Variants in DNAAF6 observed in about 807,000 individuals in gnomAD.
DNAAF6 encodes the protein PIH1 domain containing 3.
A neutral mutation model predicts 13.7 loss-of-function variants in DNAAF6; 3 were observed. The ratio of observed to expected loss-of-function variants is 0.22; its 90% CI spans 0.10 to 0.56. The LOEUF is 0.56. Ranked by LOEUF, DNAAF6 falls within the 20% of genes least tolerant of loss-of-function variation. The pLI, the probability that DNAAF6 is intolerant of heterozygous loss-of-function variation, is 0.92. For missense variants in DNAAF6, 130 were observed against 151.0 expected (o/e 0.86, Z 0.73); for synonymous variants, 54 against 49.2 (o/e 1.10, Z -0.41).
At chrX:107,240,099 C>T (rs1484920267) in intron 6 of DNAAF6, among the ~76,000 whole-genome samples, 1 of 111,787 alleles carries the variant, frequency 8.9e-6, no homozygotes, top group African/African-American at 3.2e-5. Flanking sequence ...TCTGTAATGA[C>T]GGCACAGCCA....
rs190829213 is a variant in DNAAF6, at chrX:107,220,616, A to G, written c.332+1647A>G. Among the ~76,000 whole-genome samples the G allele has an allele frequency of 5.6e-3, 629 of 112,455 alleles. 6 individuals carry two copies. The highest frequency in any genetic ancestry group is 0.02 in the African/African-American group (611 of 30,989). ...ATGCAGAGGAAAATAGGTAAAGAACATGAACAGGCAGTTCAAAAAAGAAGA... is the reference window on the plus strand; with the variant it reads ...ATGCAGAGGAAAATAGGTAAAGAACGTGAACAGGCAGTTCAAAAAAGAAGA... On this transcript the variant is annotated intron_variant, in intron 4 of 6. Coordinates refer to ENST00000372453, the MANE Select transcript of DNAAF6 (RefSeq NM_173494.2).
intron 1 of DNAAF6, chrX:107,207,450 A>G (rs1181084017): frequency 2.7e-5 from 3 of 111,416 alleles, no homozygotes; most frequent in Non-Finnish European, 3.8e-5. Flanking sequence ...TTTGACTGTA[A>G]CTATCAAAAG....
intron 4 of DNAAF6, among the ~76,000 whole-genome samples, chrX:107,221,654 G>A (rs1364962866): frequency 9.0e-6 from 1 of 111,519 alleles, no homozygotes; most frequent in Non-Finnish European, 1.9e-5. Flanking sequence ...AATCCATTAG[G>A]AGCAATGAAC....
At chrX:107,211,114 T>C in intron 1 of DNAAF6, among the ~76,000 whole-genome samples, 1 of 112,365 alleles carries the variant, frequency 8.9e-6, no homozygotes, top group Non-Finnish European at 1.9e-5. Flanking sequence ...TTAATAAATG[T>C]TTTTTAATAA....
intron 5 of DNAAF6, among the ~76,000 whole-genome samples, chrX:107,231,961 G>A (rs765904230): frequency 2.3e-4 from 26 of 111,297 alleles, no homozygotes; most frequent in Non-Finnish European, 3.8e-4. Context: ...GGGTTCCAGC[G>A]ATTCTCCCAC....
At chrX:107,223,528 A>T (rs1351455518) in intron 5 of DNAAF6, among the ~76,000 whole-genome samples, 3 of 111,520 alleles carry the variant, frequency 2.7e-5, no homozygotes, top group East Asian at 5.6e-4. Flanking sequence ...ATCTGGGCCT[A>T]ACCCAGAGTG....
chrX:107,223,842 T>A (rs1212322152), intron 5 of DNAAF6, among the ~76,000 whole-genome samples: 1 of 111,670 alleles, frequency 9.0e-6, no homozygotes, highest in Admixed American at 9.6e-5. Flanking sequence ...TCTAATGAGT[T>A]ATGCTTTCAA....
intron 1 of DNAAF6, among the ~76,000 whole-genome samples, chrX:107,209,658 TTC>T (rs1927806965): frequency 8.9e-6 from 1 of 112,027 alleles, no homozygotes; most frequent in Non-Finnish European, 1.9e-5. Flanking sequence ...GATCTTGAAC[TTC>T]TGACCTCAGG....
intron 5 of DNAAF6, among the ~76,000 whole-genome samples, 160 bp from the exon 6 acceptor site, chrX:107,238,762 G>C (rs1327105802): frequency 9.0e-6 from 1 of 111,602 alleles, no homozygotes; most frequent in Non-Finnish European, 1.9e-5. Context: ...TGTAAAATGG[G>C]GATAATAATC....
intron 6 of DNAAF6, 67 bp from the exon 7 acceptor site, chrX:107,243,102 A>C (rs1928657589): frequency 8.9e-7 from 1 of 1,123,727 alleles, no homozygotes; most frequent in Non-Finnish European, 1.2e-6. Context: ...TGTTGTTTGC[A>C]ATTGTCTTAT....
At chrX:107,228,860 A>G (rs1425848098) in intron 5 of DNAAF6, among the ~76,000 whole-genome samples, 3 of 110,634 alleles carry the variant, frequency 2.7e-5, no homozygotes, top group Non-Finnish European at 5.7e-5. Flanking sequence ...GGATCAAGCA[A>G]TTCTGTCACC....
intron 5 of DNAAF6, among the ~76,000 whole-genome samples, chrX:107,236,825 G>A (rs1164247495): frequency 8.9e-6 from 1 of 111,806 alleles, no homozygotes; most frequent in Non-Finnish European, 1.9e-5. Context: ...TCTTTGAGGT[G>A]ACATGAGTTA....
chrX:107,221,113 A>C (rs896129467), intron 4 of DNAAF6, among the ~76,000 whole-genome samples: 5 of 109,271 alleles, frequency 4.6e-5, no homozygotes, highest in African/African-American at 1.7e-4. Context: ...CTGAGACTAC[A>C]GGTGCATGCC....
chrX:107,215,231 CAT>C (rs1430284800), intron 2 of DNAAF6, among the ~76,000 whole-genome samples: 1 of 110,920 alleles, frequency 9.0e-6, no homozygotes, highest in Non-Finnish European at 1.9e-5. Context: ...TTGAAACTCC[CAT>C]GTGTTCTGAG....
intron 4 of DNAAF6, 132 bp downstream of exon 4, chrX:107,219,101 G>C (rs1928063673): frequency 8.6e-6 from 7 of 818,429 alleles, no homozygotes; most frequent in Non-Finnish European, 1.1e-5. Flanking sequence ...CACACGGAAG[G>C]CATGTGTAAT....
At chrX:107,240,853 G>T (rs1250133891) in intron 6 of DNAAF6, among the ~76,000 whole-genome samples, 1 of 111,490 alleles carries the variant, frequency 9.0e-6, no homozygotes, top group African/African-American at 3.2e-5. Flanking sequence ...CCTTGAATGT[G>T]ATAATAATAA....
chrX:107,224,874 A>T (rs1186697099), intron 5 of DNAAF6, among the ~76,000 whole-genome samples: 2 of 109,436 alleles, frequency 1.8e-5, no homozygotes, highest in African/African-American at 6.6e-5. Context: ...CTGTATCAAA[A>T]TATCTCATGC....
chrX:107,215,782 G>A (rs780606664), intron 2 of DNAAF6, among the ~76,000 whole-genome samples: 2 of 111,791 alleles, frequency 1.8e-5, no homozygotes, highest in South Asian at 3.8e-4. Flanking sequence ...GTGCTAGTTG[G>A]CCAGTAGGCA....
chrX:107,240,031 G>A (rs907907121), intron 6 of DNAAF6, among the ~76,000 whole-genome samples: 5 of 111,903 alleles, frequency 4.5e-5, no homozygotes, highest in Admixed American at 2.8e-4. Flanking sequence ...GTTAATTTCC[G>A]TTTCCCTAGC....
Sources: gnomAD v4.1 joint callset for allele counts (sites outside exome capture counted in the v4.1 genomes callset) on GRCh38, gnomAD v4.1.1 for gene constraint, MANE v1.5 for transcripts, NCBI Gene and HGNC (gene_info 2026-07-23, HGNC 2026-07-21) for gene names.